CSGALNACT1: variants seen among roughly 807,000 people sequenced by gnomAD.
CSGALNACT1 encodes the protein chondroitin sulfate N-acetylgalactosaminyltransferase 1.
Under a neutral mutation model 51.0 loss-of-function variants are expected in CSGALNACT1, and 52 were observed. That is an observed-to-expected ratio of 1.02 (90% CI 0.82 to 1.29). The LOEUF is 1.29. Ranked by LOEUF, CSGALNACT1 falls within the 50% of genes most tolerant of loss-of-function variation. The pLI, the probability that CSGALNACT1 is intolerant of heterozygous loss-of-function variation, is 0.00. For missense variants in CSGALNACT1, 935 were observed against 679.2 expected (o/e 1.38, Z -4.19); for synonymous variants, 341 against 254.4 (o/e 1.34, Z -3.24).
At chr8:19,603,529 A>G (rs182935742), upstream of CSGALNACT1, among the ~76,000 whole-genome samples, 7 of 152,316 alleles carry the variant, frequency 4.6e-5, no homozygotes, top group South Asian at 2.1e-4. Context: ...CAACGCAGCA[A>G]TGCCTAAGTG....
At chr8:19,436,873 T>C (rs1414420454) in intron 6 of CSGALNACT1, among the ~76,000 whole-genome samples, 1 of 152,230 alleles carries the variant, frequency 6.6e-6, no homozygotes, top group African/African-American at 2.4e-5. Context: ...ATCACACCAC[T>C]GCACTCTAGT....
exon 1 of CSGALNACT1, chr8:19,682,525 T>C: frequency 2.4e-6 from 1 of 412,534 alleles, no homozygotes; most frequent in Non-Finnish European, 4.9e-6. Flanking sequence ...CCCGGGGACG[T>C]ATGGTCTTTC....
intron 3 of CSGALNACT1, among the ~76,000 whole-genome samples, chr8:19,585,878 T>A (rs1366035877): frequency 6.6e-6 from 1 of 152,136 alleles, no homozygotes; most frequent in African/African-American, 2.4e-5. Context: ...GTGCTGCCCC[T>A]CTTTACCGCT....
intron 1 of CSGALNACT1, among the ~76,000 whole-genome samples, chr8:19,681,077 C>A (rs1009407300): frequency 2.0e-5 from 3 of 152,056 alleles, no homozygotes; most frequent in Admixed American, 2.0e-4. Flanking sequence ...ATTTCAGTAT[C>A]CCCAAAACTC....
At chr8:19,617,611 GA>G (rs760867661) in intron 1 of CSGALNACT1, among the ~76,000 whole-genome samples, 6 of 152,116 alleles carry the variant, frequency 3.9e-5, no homozygotes, top group Admixed American at 6.5e-5. Context: ...ACCACTGCTA[GA>G]AAAAAGAATG....
intron 5 of CSGALNACT1, among the ~76,000 whole-genome samples, chr8:19,447,577 G>C (rs1478381804): frequency 6.6e-6 from 1 of 152,178 alleles, no homozygotes; most frequent in Non-Finnish European, 1.5e-5. Context: ...GTACACAATA[G>C]GATGTGTGGC....
rs746903152 is a variant in CSGALNACT1, at chr8:19,404,622, ATT to A, written c.*1156_*1157del. ...GATCTTTCACAATATATATATATATATTTTTTTCTCCATTTCTTCTTATGGAA... is the reference window on the plus strand; with the variant it reads ...GATCTTTCACAATATATATATATATATTTTTCTCCATTTCTTCTTATGGAA... On this transcript the variant is annotated 3_prime_UTR_variant, in exon 10 of 10. Coordinates refer to ENST00000454498, the Ensembl canonical transcript of CSGALNACT1. The A allele has an allele frequency of 7.1e-4, 304 of 431,174 alleles. 16 individuals carry two copies. Among genetic ancestry groups the A allele is most frequent in the African/African-American group, 3.1e-3 (151 of 48,536 alleles). 26.7% of individuals were successfully genotyped at this position (431,174 alleles called of 1,614,324 possible). A position where few individuals can be genotyped will look rare whatever the true frequency, so the allele number is the denominator to read the frequency against.
chr8:19,737,656 A>T (rs1355417449), intron 1 of CSGALNACT1, among the ~76,000 whole-genome samples: 1 of 152,174 alleles, frequency 6.6e-6, no homozygotes, highest in Non-Finnish European at 1.5e-5. Flanking sequence ...AATGAAACAT[A>T]AAAGAAGTAG....
chr8:19,672,424 C>T (rs2059864655), intron 1 of CSGALNACT1, among the ~76,000 whole-genome samples: 1 of 152,202 alleles, frequency 6.6e-6, no homozygotes, highest in Non-Finnish European at 1.5e-5. Flanking sequence ...TCTTCTCCCA[C>T]CTTTCACCGT....
At chr8:19,563,284 C>A (rs540551560) in intron 3 of CSGALNACT1, among the ~76,000 whole-genome samples, 1 of 152,092 alleles carries the variant, frequency 6.6e-6, no homozygotes, top group South Asian at 2.1e-4. Context: ...TCAGGAGGGT[C>A]AGGGGGAGGG....
intron 3 of CSGALNACT1, among the ~76,000 whole-genome samples, chr8:19,585,537 C>G (rs541793649): frequency 9.2e-5 from 14 of 152,306 alleles, no homozygotes; most frequent in Admixed American, 8.5e-4. Context: ...CATTTGAGCT[C>G]TTTCTTGGAA....
chr8:19,749,059 G>T (rs537673804), intron 1 of CSGALNACT1, among the ~76,000 whole-genome samples: 9 of 151,950 alleles, frequency 5.9e-5, no homozygotes, highest in African/African-American at 2.2e-4. Flanking sequence ...CATTCACCAG[G>T]GGTGCTGTTT....
intron 1 of CSGALNACT1, among the ~76,000 whole-genome samples, chr8:19,609,760 A>T (rs564778145): frequency 3.3e-5 from 5 of 152,278 alleles, no homozygotes; most frequent in African/African-American, 1.2e-4. Flanking sequence ...CGATTTTGGT[A>T]ATAGTTTCAT....
chr8:19,689,115 TG>T (rs1190153738), intron 1 of CSGALNACT1, among the ~76,000 whole-genome samples: 1 of 152,172 alleles, frequency 6.6e-6, no homozygotes, highest in East Asian at 1.9e-4. Flanking sequence ...CATCTCCTAT[TG>T]CCCCGTCCTC....
chr8:19,567,152 A>T (rs2042059818), intron 3 of CSGALNACT1, among the ~76,000 whole-genome samples: 1 of 152,214 alleles, frequency 6.6e-6, no homozygotes, highest in Non-Finnish European at 1.5e-5. Context: ...AAAAGACTCA[A>T]GCCTAGACCT....
At chr8:19,588,552 A>G (rs1468585739) in intron 3 of CSGALNACT1, among the ~76,000 whole-genome samples, 2 of 152,260 alleles carry the variant, frequency 1.3e-5, no homozygotes, top group African/African-American at 4.8e-5. Context: ...TGCACTCAAT[A>G]GACAAATTTA....
chr8:19,624,474 A>C (rs117998527), intron 1 of CSGALNACT1, among the ~76,000 whole-genome samples: 383 of 152,288 alleles, frequency 2.5e-3, no homozygotes, highest in Non-Finnish European at 4.8e-3. Context: ...AAGTGTTTAA[A>C]AATAGCCAAC....
intron 5 of CSGALNACT1, among the ~76,000 whole-genome samples, chr8:19,447,868 C>G (rs999690340): frequency 3.3e-5 from 5 of 152,198 alleles, no homozygotes; most frequent in Non-Finnish European, 5.9e-5. Context: ...AAACGTGAGG[C>G]TTTCTTTACA....
intron 3 of CSGALNACT1, among the ~76,000 whole-genome samples, chr8:19,546,980 G>A (rs1038086663): frequency 5.9e-5 from 9 of 152,196 alleles, no homozygotes; most frequent in African/African-American, 1.7e-4. Context: ...CATCAGATGC[G>A]TCTTCTCTAG....
Sources: gnomAD v4.1 joint callset for allele counts (sites outside exome capture counted in the v4.1 genomes callset) on GRCh38, gnomAD v4.1.1 for gene constraint, MANE v1.5 for transcripts, NCBI Gene and HGNC (gene_info 2026-07-23, HGNC 2026-07-21) for gene names.